The following AFF4 variants were observed in gnomAD, a reference collection of about 807,000 sequenced individuals.
AFF4 encodes AF4/FMR2 family member 4.
A neutral mutation model predicts 124.8 loss-of-function variants in AFF4; 13 were observed. The ratio of observed to expected loss-of-function variants is 0.10; its 90% CI spans 0.07 to 0.17. The LOEUF is 0.17. Among genes scored for constraint, AFF4 ranks in the 10% least tolerant of loss-of-function variants. The pLI is 1.00. For missense variants in AFF4, 1,092 were observed against 1,403.8 expected, an observed-to-expected ratio of 0.78 and a Z score of 3.55; for synonymous variants, 477 against 496.1, an observed-to-expected ratio of 0.96 and a Z score of 0.51.
rs770779042 is a variant in AFF4 at position 132,881,019 on chromosome 5, T to A, written c.*40A>T. The stretch of plus-strand genomic sequence containing the variant: ...AGTTTTCCTTCGTGATGTGACACAG[T>A]GTTGTGGAGAAAATCAGAGGCAACG... On this transcript the variant is annotated 3_prime_UTR_variant, in exon 21 of 21. Coordinates refer to ENST00000265343, the MANE Select transcript of AFF4 (RefSeq NM_014423.4). The A allele has an allele frequency of 1.2e-6, 2 of 1,603,324 alleles. No individual in the cohort carries two copies. Among genetic ancestry groups the A allele is most frequent in the African/African-American group, 2.7e-5 (2 of 74,422 alleles).
At chr5:132,904,544 G>A in intron 5 of AFF4, 140 bp from the exon 6 acceptor site, 1 of 694,358 alleles carries the variant, frequency 1.4e-6, no homozygotes, top group Non-Finnish European at 2.4e-6. Flanking sequence ...ATCAGCCTTG[G>A]CAATTTTGGG....
At chr5:132,905,048 C>CAAAAA (rs66981854) in intron 5 of AFF4, among the ~76,000 whole-genome samples, 2 of 118,364 alleles carry the variant, frequency 1.7e-5, no homozygotes, top group African/African-American at 3.3e-5. Context: ...GACTCCATCT[C>CAAAAA]AAAAAAAAAA....
At position 132,885,124 on chromosome 5, in the gene AFF4, G is replaced by A. The variant is rs778504093; in HGVS notation, c.3100-5C>T. On this transcript the variant is annotated splice_region_variant and splice_polypyrimidine_tract_variant and intron_variant, in intron 18 of 20. Coordinates refer to ENST00000265343, the MANE Select transcript of AFF4 (RefSeq NM_014423.4). ...TTGAGAATTATTATAAGAATTCTGT[G>A]GAAAAAGTAAAATGTACTTAACAAC... The A allele has an allele frequency of 9.4e-6, 15 of 1,590,562 alleles. No individual in the cohort carries two copies. The East Asian group carries it at 3.4e-4, about 36-fold the overall frequency.
chr5:132,919,999 A>T (rs1430492187), intron 5 of AFF4, among the ~76,000 whole-genome samples: 2 of 151,294 alleles, frequency 1.3e-5, no homozygotes, highest in Non-Finnish European at 3.0e-5. Context: ...AAAAAAAAAA[A>T]GTCTAGGAAA....
chr5:132,953,009 T>C (rs550130664), intron 1 of AFF4, among the ~76,000 whole-genome samples: 5 of 152,236 alleles, frequency 3.3e-5, no homozygotes, highest in South Asian at 2.1e-4. Context: ...AGGAACCTGT[T>C]TGACAATGCC....
At chr5:132,938,720 G>A (rs1385338859) in intron 1 of AFF4, among the ~76,000 whole-genome samples, 1 of 151,866 alleles carries the variant, frequency 6.6e-6, no homozygotes, top group Admixed American at 6.6e-5. Flanking sequence ...GAGGTGGGCA[G>A]ATCACAAGGT....
chr5:132,928,506 CTT>C (rs915181534), intron 4 of AFF4, among the ~76,000 whole-genome samples: 1 of 152,086 alleles, frequency 6.6e-6, no homozygotes, highest in Admixed American at 6.5e-5. Flanking sequence ...CTTCAAAAAC[CTT>C]TGTCTCTCTT....
At chr5:132,959,881 C>T (rs2150116625) in intron 1 of AFF4, among the ~76,000 whole-genome samples, 1 of 150,508 alleles carries the variant, frequency 6.6e-6, no homozygotes, top group South Asian at 2.1e-4. Context: ...TCTGCTGCCT[C>T]AGCCTCCCAA....
intron 7 of AFF4, chr5:132,901,134 C>G (rs1468835343): frequency 3.3e-5 from 33 of 985,248 alleles, no homozygotes; most frequent in Non-Finnish European, 3.6e-5. Context: ...TGATTTTCCT[C>G]TAAGGAAATG....
In AFF4 at chr5:132,877,440, A is replaced by C. The variant is rs1267870421; in HGVS notation, c.*3619T>G. 9.3e-6 allele frequency: 2 copies of C among 216,098 alleles called. No individual in the cohort carries two copies. The highest frequency in any genetic ancestry group is 1.9e-5 in the Non-Finnish European group (2 of 107,172). 13.4% of individuals were successfully genotyped at this position (216,098 alleles called of 1,614,324 possible). On this transcript the variant is annotated 3_prime_UTR_variant, in exon 21 of 21. Transcript: ENST00000265343. ...ACAAGAAAGTGTCTTAGATCAATTT[A>C]ATAAATAATGTGGAAATAGTTGCAC...
intron 1 of AFF4, among the ~76,000 whole-genome samples, chr5:132,951,268 C>A (rs79768343): frequency 0.015 from 2,237 of 152,188 alleles, 65 homozygotes; most frequent in African/African-American, 0.052. Context: ...TCTCTCCAGC[C>A]AAGCTTCTCA....
intron 1 of AFF4, among the ~76,000 whole-genome samples, chr5:132,960,349 T>C (rs1036433158): frequency 1.3e-5 from 2 of 152,248 alleles, no homozygotes; most frequent in Non-Finnish European, 2.9e-5. Context: ...ATCAATTTTT[T>C]ATAGTACATG....
chr5:132,937,986 A>G (rs1761471592), intron 1 of AFF4, among the ~76,000 whole-genome samples: 1 of 152,176 alleles, frequency 6.6e-6, no homozygotes, highest in Admixed American at 6.6e-5. Context: ...TTATAGCAGC[A>G]AGGATTTTGA....
At chr5:132,935,117 A>G (rs1761395223) in intron 2 of AFF4, among the ~76,000 whole-genome samples, 176 bp from the exon 3 acceptor site, 1 of 150,476 alleles carries the variant, frequency 6.6e-6, no homozygotes, top group African/African-American at 2.4e-5. Flanking sequence ...TTCTGTAGTG[A>G]AAAAAAAAAT....
Position 132,932,296 on chromosome 5 carries a change from A to C in AFF4, c.919-74T>G, listed in dbSNP as rs891707979. On this transcript the variant is annotated intron_variant, in intron 3 of 20. Coordinates refer to ENST00000265343, the MANE Select transcript of AFF4 (RefSeq NM_014423.4). ...GTATTTGCTTCACAGATTTAAAAAC[A>C]TTATTAAAAGTATTTATGACCCCAC... is the stretch of plus-strand genomic sequence containing the variant. 10 of 1,313,492 alleles carry C rather than the reference A, an allele frequency of 7.6e-6. No homozygotes were observed. In the African/African-American group the frequency reaches 1.5e-4, roughly 19 times the overall value. 81.4% of individuals were successfully genotyped at this position (1,313,492 alleles called of 1,614,324 possible). A position where few individuals can be genotyped will look rare whatever the true frequency, so the allele number is the denominator to read the frequency against.
chr5:132,953,569 A>G (rs971228456), intron 1 of AFF4, among the ~76,000 whole-genome samples: 1 of 152,032 alleles, frequency 6.6e-6, no homozygotes, highest in African/African-American at 2.4e-5. Flanking sequence ...CAAAAATCTC[A>G]ATCTTAATAC....
chr5:132,933,883 C>G (rs1262068784), intron 3 of AFF4, among the ~76,000 whole-genome samples: 1 of 152,248 alleles, frequency 6.6e-6, no homozygotes, highest in South Asian at 2.1e-4. Flanking sequence ...ATTAGTCATT[C>G]TTTTATTCTA....
intron 5 of AFF4, chr5:132,926,700 CTTTTTTTTTTTTTT>C (rs56914896): frequency 3.4e-4 from 16 of 47,364 alleles, no homozygotes; most frequent in South Asian, 3.0e-3. Flanking sequence ...CTATGCCAAG[CTTTTTTTTTTTTTT>C]TTTTTTTTTT....
intron 5 of AFF4, among the ~76,000 whole-genome samples, chr5:132,915,891 C>T (rs1581299974): frequency 1.3e-5 from 2 of 151,928 alleles, no homozygotes; most frequent in South Asian, 4.2e-4. Context: ...ACACTAGATA[C>T]TGACCATCAG....
Sources: allele counts gnomAD v4.1 joint callset (sites outside exome capture counted in the v4.1 genomes callset), GRCh38; gene constraint gnomAD v4.1.1; transcripts MANE v1.5; gene names NCBI Gene and HGNC (gene_info 2026-07-23, HGNC 2026-07-21).